Variants in TFB1M observed in about 807,000 individuals in gnomAD.
The protein encoded by TFB1M is transcription factor B1, mitochondrial.
TFB1M carries 27 observed loss-of-function variants against 31.1 expected under a neutral mutation model. That is an observed-to-expected ratio of 0.87 (90% confidence interval 0.64 to 1.20). The LOEUF (loss-of-function observed/expected upper bound fraction) is 1.20, where lower values mean the gene tolerates loss of function less well. Ranked by LOEUF, TFB1M falls within the 50% of genes most tolerant of loss-of-function variation. TFB1M has a pLI of 0.00. For missense variants in TFB1M, 394 were observed against 418.7 expected, an observed-to-expected ratio of 0.94 and a Z score of 0.51; for synonymous variants, 166 against 151.8, an observed-to-expected ratio of 1.09 and a Z score of -0.69.
At chr6:155,248,213 T>G in the TFB1M span, 4 of 1,598,672 alleles carry the variant, frequency 2.5e-6, no homozygotes, top group South Asian at 2.2e-5. Context: ...GGCGAGGGCC[T>G]GCACAGGGCG....
At chr6:155,235,314 G>A in the TFB1M span, among the ~76,000 whole-genome samples, 1 of 152,298 alleles carries the variant, frequency 6.6e-6, no homozygotes, top group South Asian at 2.1e-4. Flanking sequence ...CATCAGGAAG[G>A]ACACTGAAGA....
chr6:155,294,921 A>G (rs1180020529), intron 4 of TFB1M, among the ~76,000 whole-genome samples: 1 of 152,252 alleles, frequency 6.6e-6, no homozygotes, highest in Non-Finnish European at 1.5e-5. Context: ...TGAATAGATA[A>G]GGATCTTACA....
At chr6:155,305,584 ATTATATAT>A (rs1393079271) in intron 2 of TFB1M, among the ~76,000 whole-genome samples, 1 of 46,312 alleles carries the variant, frequency 2.2e-5, no homozygotes, top group African/African-American at 1.0e-4. Flanking sequence ...TATATATTAA[ATTATATAT>A]TTATATATAA....
intron 5 of TFB1M, among the ~76,000 whole-genome samples, chr6:155,278,675 G>T (rs1785334256): frequency 6.6e-6 from 1 of 152,238 alleles, no homozygotes; most frequent in Non-Finnish European, 1.5e-5. Context: ...AGTTCACACA[G>T]CTAGTAAGTG....
chr6:155,279,241 G>A (rs1450356674), intron 5 of TFB1M, among the ~76,000 whole-genome samples: 1 of 150,174 alleles, frequency 6.7e-6, no homozygotes, highest in South Asian at 2.1e-4. Flanking sequence ...TGTGGAGCAC[G>A]TGTATATCTA....
chr6:155,285,986 G>A (rs1161658441), intron 4 of TFB1M, among the ~76,000 whole-genome samples: 4 of 151,998 alleles, frequency 2.6e-5, no homozygotes, highest in African/African-American at 7.3e-5. Flanking sequence ...TGGCCAGGAC[G>A]CTCCTGAAGA....
intron 2 of TFB1M, among the ~76,000 whole-genome samples, chr6:155,299,695 C>A (rs1336822007): frequency 6.6e-6 from 1 of 152,146 alleles, no homozygotes; most frequent in African/African-American, 2.4e-5. Context: ...GGAACATTTG[C>A]CCTGAGCCTA....
rs558760933 is a variant in TFB1M at position 155,292,373 on chromosome 6, GTCC to G, written c.546+4577_546+4579del. Reference sequence around the variant, plus strand: ...CAAAAGGGTCCCAAGGGTCCCCCAAGTCCCCTGCTGAGCACTGATCTGCAGGTG... The same window carrying G: ...CAAAAGGGTCCCAAGGGTCCCCCAAGCCTGCTGAGCACTGATCTGCAGGTG... On this transcript the variant is annotated intron_variant, in intron 4 of 6. Transcript: ENST00000367166. Among the ~76,000 whole-genome samples the G allele has an allele frequency of 8.5e-5, 13 of 152,286 alleles. No homozygotes were observed. The South Asian group carries it at 2.3e-3, about 27-fold the overall frequency.
chr6:155,259,134 T>G (rs6929157), intron 6 of TFB1M, among the ~76,000 whole-genome samples: 3 of 151,946 alleles, frequency 2.0e-5, no homozygotes, highest in African/African-American at 7.3e-5. Flanking sequence ...TTGTGCTCCC[T>G]CCTCCCCCAT....
intron 5 of TFB1M, among the ~76,000 whole-genome samples, chr6:155,268,659 G>GT (rs1259053122): frequency 1.3e-5 from 2 of 151,924 alleles, no homozygotes; most frequent in African/African-American, 4.8e-5. Context: ...CCCCAACCCG[G>GT]TGCTCTCTGA....
chr6:155,276,847 A>G (rs1785249626), intron 5 of TFB1M, among the ~76,000 whole-genome samples: 1 of 152,222 alleles, frequency 6.6e-6, no homozygotes, highest in South Asian at 2.1e-4. Context: ...TTAGGAATAC[A>G]AGAGCTGCCT....
At chr6:155,285,010 AT>A in intron 5 of TFB1M, 147 bp downstream of exon 5, 1 of 1,004,886 alleles carries the variant, frequency 1.0e-6, no homozygotes, top group Non-Finnish European at 1.5e-6. Context: ...TCATATTACG[AT>A]TTTTGTGGTT....
At chr6:155,229,900 C>G in the TFB1M span, among the ~76,000 whole-genome samples, 1 of 152,078 alleles carries the variant, frequency 6.6e-6, no homozygotes, top group East Asian at 1.9e-4. Flanking sequence ...CTTTATAAAA[C>G]CATCAGATCT....
downstream of TFB1M, chr6:155,254,027 G>T: frequency 6.2e-7 from 1 of 1,614,092 alleles, no homozygotes; most frequent in Non-Finnish European, 8.5e-7. Context: ...GAAATAGAAG[G>T]ACGGCCAGAA....
chr6:155,286,612 T>C (rs563918034), intron 4 of TFB1M, among the ~76,000 whole-genome samples: 2 of 140,828 alleles, frequency 1.4e-5, no homozygotes, highest in South Asian at 2.2e-4. Context: ...TGTGTGTATA[T>C]ATATGTGTAT....
chr6:155,244,112 T>C, the TFB1M span: 1 of 1,590,400 alleles, frequency 6.3e-7, no homozygotes, highest in Non-Finnish European at 8.6e-7. Flanking sequence ...TGTCCAGTGA[T>C]CCACAGGTTA....
intron 4 of TFB1M, among the ~76,000 whole-genome samples, chr6:155,289,594 G>C (rs555547325): frequency 6.6e-6 from 1 of 152,092 alleles, no homozygotes; most frequent in Non-Finnish European, 1.5e-5. Flanking sequence ...ATAAGACGAC[G>C]GTGCTCATTT....
chr6:155,282,618 T>C (rs1422538402), intron 5 of TFB1M, among the ~76,000 whole-genome samples: 1 of 152,252 alleles, frequency 6.6e-6, no homozygotes, highest in African/African-American at 2.4e-5. Flanking sequence ...GTTGCAATTA[T>C]GTGCGTCTAG....
intron 5 of TFB1M, among the ~76,000 whole-genome samples, chr6:155,282,583 T>C (rs1247862678): frequency 6.6e-6 from 1 of 152,198 alleles, no homozygotes; most frequent in African/African-American, 2.4e-5. Context: ...CCTCTATTTT[T>C]AGCGCTTAGC....
Sources: allele counts gnomAD v4.1 joint callset (sites outside exome capture counted in the v4.1 genomes callset), GRCh38; gene constraint gnomAD v4.1.1; transcripts MANE v1.5; gene names NCBI Gene and HGNC (gene_info 2026-07-23, HGNC 2026-07-21).